Variants in MUC5B observed in about 807,000 individuals in gnomAD.
The protein encoded by MUC5B is mucin-5B.
In MUC5B, 116 loss-of-function variants were observed where a neutral mutation model predicts 376.9. The observed-to-expected ratio is 0.31, with a 90% CI of 0.26 to 0.36. The LOEUF (loss-of-function observed/expected upper bound fraction) is 0.36. Ranked by LOEUF, MUC5B falls within the 10% of genes least tolerant of loss-of-function variation. MUC5B has a pLI of 1.00. For synonymous variants in MUC5B, 3,517 were observed against 3,390.9 expected, an observed-to-expected ratio of 1.04 and a Z score of -1.29; for missense variants, 7,165 against 7,769.9, an observed-to-expected ratio of 0.92 and a Z score of 2.93.
Position 1,254,347 on chromosome 11 carries a change from G to T in MUC5B, c.15473G>T (p.Gly5158Val), listed in dbSNP as rs1216194347. The T allele has an allele frequency of 4.4e-6, 7 of 1,600,840 alleles. No individual in the cohort carries two copies. Among genetic ancestry groups the T allele is most frequent in the East Asian group, 4.5e-5 (2 of 44,874 alleles). The change falls in exon 34 of 49, where the codon GGC (glycine) becomes GTC (valine). Residue 5158 changes from glycine (G) to valine (V), a missense_variant. Around this residue, in one of 31 missense-constraint regions of MUC5B, gnomAD observed 842 missense variants for 1,016.9 expected, o/e 0.83. Coordinates refer to ENST00000529681, the MANE Select transcript of MUC5B (RefSeq NM_002458.3). ...ACCATGGTGCATGGGAAGGAGGAGG[G>T]CCTGGTGAGTCCAGGCTGCGGGTGG... Reference protein sequence around the residue: ...TVTMVHGKEEGLILFDQIPVS... With the variant: ...TVTMVHGKEEVLILFDQIPVS...
Position 1,254,136 on chromosome 11 carries a change from G to A in MUC5B, c.15262G>A (p.Gly5088Ser), listed in dbSNP as rs776684188. 3 of 1,612,684 alleles carry A rather than the reference G, an allele frequency of 1.9e-6. No homozygotes were observed. The highest frequency in any genetic ancestry group is 1.3e-5 in the African/African-American group (1 of 74,908). The stretch of plus-strand genomic sequence containing the variant: ...CGGCTCCCACTATTCCACCTTTGAC[G>A]GCACCTCTTACACCTTCCGGGGCAA... ...WGGSHYSTFD[G>S]TSYTFRGNCT... The change falls in exon 34 of 49, where the codon GGC becomes AGC. Residue 5088 changes from glycine (G) to serine (S), a missense_variant. Physicochemically the swap from Gly to Ser is moderately conservative, Grantham distance 56 (BLOSUM62 0). Transcript: ENST00000529681.
At position 1,241,618 on chromosome 11, in the gene MUC5B, G is replaced by A; in HGVS notation, c.4738G>A (p.Glu1580Lys). ...CTTCGGCCTGGTGTGCAGGAACTGG[G>A]AGCAGGAGGGCGTCTTCAAGATGTG... is the stretch of plus-strand genomic sequence containing the variant. ...VHFGLVCRNWEQEGVFKMCYN... is the reference protein window; with the variant it reads ...VHFGLVCRNWKQEGVFKMCYN... Residue 1580 changes from glutamate (E) to lysine (K), a missense_variant, in exon 31 of 49, where the codon GAG (glutamate) becomes AAG (lysine). By Grantham distance (56) the Glu-to-Lys change is moderately conservative. This residue lies in a region of MUC5B where 25 missense variants were observed against 46.5 expected (regional missense o/e 0.54). Transcript: ENST00000529681. 3.1e-6 allele frequency: 5 copies of A among 1,612,422 alleles called. No individual in the cohort carries two copies. Among genetic ancestry groups the A allele is most frequent in the Non-Finnish European group, 4.2e-6 (5 of 1,179,526 alleles).
intron 15 of MUC5B, 101 bp downstream of exon 15, chr11:1,232,261 C>A: frequency 7.1e-7 from 1 of 1,415,530 alleles, no homozygotes; most frequent in Non-Finnish European, 9.5e-7. Flanking sequence ...GATTGGGGAC[C>A]CCATGGAGGC....
intron 4 of MUC5B, 73 bp downstream of exon 4, chr11:1,226,949 C>T: frequency 2.0e-6 from 3 of 1,521,096 alleles, no homozygotes; most frequent in Non-Finnish European, 1.8e-6. Flanking sequence ...CCATGTCTGA[C>T]CTGGGCCAGG....
At chr11:1,254,376 A>C in intron 34 of MUC5B, 25 bp downstream of exon 34, 2 of 1,596,890 alleles carry the variant, frequency 1.3e-6, no homozygotes, top group South Asian at 2.2e-5. Flanking sequence ...CGGGTGGCAC[A>C]GTGTTGGCCC....
rs901591029 is a variant in MUC5B, at chr11:1,229,769, C to T, written c.1182C>T (p.Tyr394=). Residue 394 remains tyrosine, a synonymous_variant, in exon 10 of 49, where the codon TAC becomes TAT. Transcript: ENST00000529681. ...CCTGCACCCACGGCGGCCGCACCTACAGCCCGGGCACCTCCTTCAACACCA... is the reference window on the plus strand; with the variant it reads ...CCTGCACCCACGGCGGCCGCACCTATAGCCCGGGCACCTCCTTCAACACCA... ...QCPCTHGGRT[Y]SPGTSFNTTC... is the part of the protein sequence containing the mutation. 1 of 1,601,684 alleles carries T rather than the reference C, an allele frequency of 6.2e-7. No homozygotes were observed. The highest frequency in any genetic ancestry group is 8.5e-7 in the Non-Finnish European group (1 of 1,175,606).
chr11:1,234,459 T>A lies in MUC5B; in HGVS notation c.2479-70T>A, dbSNP rs1862110419. 1.4e-5 allele frequency: 22 copies of A among 1,536,154 alleles called. No individual in the cohort carries two copies. In the South Asian group the frequency reaches 2.3e-4, roughly 16 times the overall value. On this transcript the variant is annotated intron_variant, in intron 20 of 48. Transcript: ENST00000529681. This position sits in a 1 kb window ranked among gnomAD's most constrained non-coding sequence, Gnocchi z 6.3. ...CCCTGGGTGCTGCTGGGTGCGCCTG[T>A]CCCAGAGGGTGAGTGACATCTGCCC...
rs1175602717 is a variant in MUC5B, at chr11:1,257,723, A to G, written c.16450+13A>G. 2 of 1,534,764 alleles carry G rather than the reference A, an allele frequency of 1.3e-6. No homozygotes were observed. Among genetic ancestry groups the G allele is most frequent in the Admixed American group, 2.0e-5 (1 of 51,244 alleles). On this transcript the variant is annotated intron_variant, in intron 41 of 48. Coordinates refer to ENST00000529681, the MANE Select transcript of MUC5B (RefSeq NM_002458.3). This position sits in a 1 kb window ranked among gnomAD's most constrained non-coding sequence, Gnocchi z 8.9. ...GAGACGGTGTGCGGTAAGACGCTGC[A>G]GAGCAGAGGTGCCCGGCATAGGGTG...
chr11:1,261,776 T>A lies in MUC5B; in HGVS notation c.*168T>A. 1.3e-6 allele frequency: 1 copy of A among 745,826 alleles called. No individual in the cohort carries two copies. The highest frequency in any genetic ancestry group is 2.3e-6 in the Non-Finnish European group (1 of 426,166). The allele number at this position is 745,826 out of a possible 1,614,324, so 46.2% of individuals were successfully genotyped here. ...GTGGGTGAAACCGGCCCCAGAAGGG[T>A]GAGGGGCCAGCAGGACCCCTTTCGG... On this transcript the variant is annotated 3_prime_UTR_variant, in exon 49 of 49. Transcript: ENST00000529681.
At position 1,227,554 on chromosome 11, in the gene MUC5B, C is replaced by CG. The variant is rs1323819361; in HGVS notation, c.668-116dup. The CG allele has an allele frequency of 1.5e-5, 10 of 681,876 alleles. No individual in the cohort carries two copies. In the East Asian group the frequency reaches 2.7e-4, roughly 19 times the overall value. 42.2% of individuals were successfully genotyped at this position (681,876 alleles called of 1,614,324 possible). On this transcript the variant is annotated intron_variant, in intron 6 of 48. Coordinates refer to ENST00000529681, the MANE Select transcript of MUC5B (RefSeq NM_002458.3). ...CCTACATGGTGGGAGGAGTGCCCCT[C>CG]GGGGGTGTTGGGCCCTAGGCAGGAG...
Position 1,239,330 on chromosome 11 carries a change from G to A in MUC5B, c.3455-108G>A, listed in dbSNP as rs1862225820. ...GCCCTGCATGTCTGGGACAAGCCCG[G>A]GTCTGGCTCTGGGGACACCGGCCCC... On this transcript the variant is annotated intron_variant, in intron 26 of 48. Coordinates refer to ENST00000529681, the MANE Select transcript of MUC5B (RefSeq NM_002458.3). 4.2e-6 allele frequency: 6 copies of A among 1,424,054 alleles called. No homozygotes were observed. The Admixed American group carries it at 1.4e-4, about 34-fold the overall frequency. The allele number at this position is 1,424,054 out of a possible 1,614,324, so 88.2% of individuals were successfully genotyped here.
chr11:1,252,398 C>T lies in MUC5B; in HGVS notation c.14919C>T (p.Cys4973=). Residue 4973 remains cysteine, a synonymous_variant, in exon 32 of 49, where the codon TGC becomes TGT. Coordinates refer to ENST00000529681, the MANE Select transcript of MUC5B (RefSeq NM_002458.3). ...CCGGCTGCCATTTCTACGCAGTGTG[C>T]AATCAGCACTGTGACATTGACCGCT... The part of the protein sequence containing the change: ...DRAGCHFYAV[C]NQHCDIDRFQ... 1.9e-6 allele frequency: 3 copies of T among 1,608,610 alleles called. No individual in the cohort carries two copies. Among genetic ancestry groups the T allele is most frequent in the Non-Finnish European group, 2.5e-6 (3 of 1,177,648 alleles).
rs775967498 is a variant in MUC5B at position 1,242,966 on chromosome 11, C to T, written c.6086C>T (p.Thr2029Ile). The T allele has an allele frequency of 1.9e-6, 3 of 1,613,428 alleles. No individual in the cohort carries two copies. Among genetic ancestry groups the T allele is most frequent in the South Asian group, 1.1e-5 (1 of 91,032 alleles). ...TSTVLTATATTTGATGSVATP... is the reference protein window; with the variant it reads ...TSTVLTATATITGATGSVATP... ...ACAGTGCTTACCGCCACGGCCACCA[C>T]AACTGGGGCCACCGGCTCTGTGGCC... is the stretch of plus-strand genomic sequence containing the variant. Residue 2029 changes from threonine (T) to isoleucine (I), a missense_variant, in exon 31 of 49, where the codon ACA becomes ATA. Transcript: ENST00000529681.
Position 1,246,761 on chromosome 11 carries a change from C to A in MUC5B, c.9881C>A (p.Ala3294Asp). Residue 3294 changes from alanine (A) to aspartate (D), a missense_variant, in exon 31 of 49, where the codon GCC becomes GAC. Physicochemically the swap from Ala to Asp is moderately radical, Grantham distance 126. Transcript: ENST00000529681. ...TTTTRATGSV[A>D]TPSSTPGTAH... is the part of the protein sequence containing the mutation. ...ACAACCAGGGCCACCGGCTCTGTGG[C>A]CACCCCCTCCTCCACCCCAGGAACA... The A allele has an allele frequency of 1.2e-6, 2 of 1,610,054 alleles. No individual in the cohort carries two copies. Among genetic ancestry groups the A allele is most frequent in the Non-Finnish European group, 1.7e-6 (2 of 1,177,638 alleles).
chr11:1,247,884 C>T lies in MUC5B; in HGVS notation c.11004C>T (p.Tyr3668=), dbSNP rs199699969. ...NYEIRVFCCN[Y]GHCPSTPATS... ...AAATCCGTGTGTTCTGCTGCAACTA[C>T]GGCCACTGCCCCAGCACCCCGGCCA... is the stretch of plus-strand genomic sequence containing the variant. The change falls in exon 31 of 49, where the codon TAC becomes TAT. Residue 3668 remains tyrosine (Y), a synonymous_variant. Transcript: ENST00000529681. 2,689 of 1,611,052 alleles carry T rather than the reference C, an allele frequency of 1.7e-3. 55 individuals are homozygous for T. The South Asian group carries it at 0.02, about 12-fold the overall frequency.
intron 27 of MUC5B, 75 bp from the exon 28 acceptor site, chr11:1,239,724 C>T: frequency 6.6e-7 from 1 of 1,519,928 alleles, no homozygotes; most frequent in Non-Finnish European, 8.8e-7. Flanking sequence ...GGCGGCTACT[C>T]CCTGCAGCAT....
Position 1,257,843 on chromosome 11 carries a change from C to T in MUC5B, c.16450+133C>T. ...TGTCCTGGCGTGACCGCGGCAGGAC[C>T]ACTCGGCAGAGATGGCCTCCAGGTG... is the stretch of plus-strand genomic sequence containing the variant. On this transcript the variant is annotated intron_variant, in intron 41 of 48. Transcript: ENST00000529681. The surrounding 1 kb of genome is among the most constrained non-coding windows in gnomAD (Gnocchi z 8.9). The T allele has an allele frequency of 1.8e-6, 2 of 1,134,278 alleles. No individual in the cohort carries two copies. The highest frequency in any genetic ancestry group is 2.4e-6 in the Non-Finnish European group (2 of 820,370). 70.3% of individuals were successfully genotyped at this position (1,134,278 alleles called of 1,614,324 possible).
At chr11:1,259,109 C>T in intron 44 of MUC5B, 48 bp downstream of exon 44, 1 of 1,522,548 alleles carries the variant, frequency 6.6e-7, no homozygotes, top group African/African-American at 1.4e-5. Context: ...AGGCACCTGC[C>T]CCCAAGTGAG....
rs759371963 is a variant in MUC5B at position 1,239,776 on chromosome 11, T to G, written c.3584-23T>G. 7 of 1,599,546 alleles carry G rather than the reference T, an allele frequency of 4.4e-6. No homozygotes were observed. In the South Asian group the frequency reaches 7.9e-5, roughly 18 times the overall value. ...GAGACTAAAGGGCCCTGGTGAGTCT[T>G]CTGCTCACCCTGCCGGCCCTAGGCT... On this transcript the variant is annotated intron_variant, in intron 27 of 48. Transcript: ENST00000529681.
Sources: allele counts gnomAD v4.1 joint callset, GRCh38; gene constraint gnomAD v4.1.1; regional missense constraint gnomAD v4.1.1; non-coding constraint Gnocchi (gnomAD v3.1); transcripts MANE v1.5; gene names NCBI Gene and HGNC (gene_info 2026-07-23, HGNC 2026-07-21).